NALF1: variants seen among roughly 807,000 people sequenced by gnomAD.
NALF1 encodes NALCN channel auxiliary factor 1, also known as family with sequence similarity 155 member A.
NALF1 carries 3 observed loss-of-function variants against 48.4 expected under a neutral mutation model. That is an observed-to-expected ratio of 0.06 (90% CI 0.03 to 0.16). The LOEUF (loss-of-function observed/expected upper bound fraction) is 0.16, where lower values mean the gene tolerates loss of function less well. NALF1 is among the 10% of genes least tolerant of loss of function. The pLI is 1.00. For missense variants in NALF1, 526 were observed against 571.5 expected (o/e 0.92, Z 0.81); for synonymous variants, 262 against 245.7 (o/e 1.07, Z -0.62).
chr13:107,302,912 C>T (rs1881865565), intron 1 of NALF1, among the ~76,000 whole-genome samples: 2 of 152,140 alleles, frequency 1.3e-5, no homozygotes. Flanking sequence ...ACATTGTTAG[C>T]TTGAAGAATG....
rs145281946 is a variant in NALF1, at chr13:107,866,511, A to C, written c.86T>G (p.Phe29Cys). Reference protein sequence around the residue: ...LAAPRENEKPFIDSERAQKWR... With the variant: ...LAAPRENEKPCIDSERAQKWR... Reference sequence around the variant, plus strand: ...TTTCTGAGCCCTCTCGGAATCGATGAACGGTTTCTCGTTCTCTCGGGGTGC... The same window carrying C: ...TTTCTGAGCCCTCTCGGAATCGATGCACGGTTTCTCGTTCTCTCGGGGTGC... The change falls in exon 1 of 3, where the codon TTC (phenylalanine) becomes TGC (cysteine). Residue 29 changes from phenylalanine (F) to cysteine (C), a missense_variant. Coordinates refer to ENST00000375915, the MANE Select transcript of NALF1 (RefSeq NM_001080396.3). This position sits in a 1 kb window ranked among gnomAD's most constrained non-coding sequence, Gnocchi z 4.4. 7.8e-5 allele frequency: 126 copies of C among 1,613,804 alleles called. No homozygotes were observed. The highest frequency in any genetic ancestry group is 9.7e-5 in the Non-Finnish European group (114 of 1,180,022).
rs547366795 is a variant in NALF1 at position 107,512,219 on chromosome 13, T to C, written c.916-301464A>G. On this transcript the variant is annotated intron_variant, in intron 1 of 2. Transcript: ENST00000375915. ...ACCATCCTGGCTAACATGGTGAAAC[T>C]CCGTCTCTACTAAAAATATGAAAAA... Among the ~76,000 whole-genome samples the C allele has an allele frequency of 3.9e-5, 6 of 152,106 alleles. No individual in the cohort carries two copies. In the East Asian group the frequency reaches 5.8e-4, roughly 15 times the overall value.
chr13:107,629,635 T>C lies in NALF1; in HGVS notation c.915+236047A>G, dbSNP rs1416010019. 4.7e-5 allele frequency among the ~76,000 whole-genome samples: 3 copies of C among 63,548 alleles called. No homozygotes were observed. In the East Asian group the frequency reaches 8.9e-3, roughly 189 times the overall value. 41.7% of individuals were successfully genotyped at this position (63,548 alleles called of 152,430 possible). A position where few individuals can be genotyped will look rare whatever the true frequency, so the allele number is the denominator to read the frequency against. ...CTCTCTCTTCTCACTTTTTATCTTGTCAGAAAGCAACAAATTTTGGAGTCC... is the reference window on the plus strand; with the variant it reads ...CTCTCTCTTCTCACTTTTTATCTTGCCAGAAAGCAACAAATTTTGGAGTCC... On this transcript the variant is annotated intron_variant, in intron 1 of 2. Transcript: ENST00000375915.
At position 107,181,554 on chromosome 13, in the gene NALF1, C is replaced by G. The variant is rs1268644305; in HGVS notation, c.1088-10768G>C. ...TTATTTTTCATTATATTAAGTTCAA[C>G]AATGTGATCTTTAGAAAGTTTTTTT... On this transcript the variant is annotated intron_variant, in intron 2 of 2. Transcript: ENST00000375915. Among the ~76,000 whole-genome samples the G allele has an allele frequency of 2.0e-5, 3 of 146,722 alleles. No individual in the cohort carries two copies. The East Asian group carries it at 5.9e-4, about 29-fold the overall frequency.
chr13:107,424,850 A>C (rs1884252785), intron 1 of NALF1, among the ~76,000 whole-genome samples: 1 of 152,226 alleles, frequency 6.6e-6, no homozygotes, highest in Non-Finnish European at 1.5e-5. Context: ...ATAACAGTGC[A>C]TTTACATGCA....
At chr13:107,525,904 A>G (rs1055945967) in intron 1 of NALF1, among the ~76,000 whole-genome samples, 1 of 152,006 alleles carries the variant, frequency 6.6e-6, no homozygotes, top group Non-Finnish European at 1.5e-5. Context: ...ATGATGTTAC[A>G]TTTTGTGCTT....
At chr13:107,841,307 A>G (rs540322614) in intron 1 of NALF1, among the ~76,000 whole-genome samples, 9 of 152,282 alleles carry the variant, frequency 5.9e-5, no homozygotes, top group Admixed American at 1.3e-4. Context: ...AAGAGCTTGC[A>G]TGAAGAGACA....
intron 1 of NALF1, among the ~76,000 whole-genome samples, chr13:107,519,224 A>C (rs1216737702): frequency 6.6e-6 from 1 of 152,158 alleles, no homozygotes; most frequent in Admixed American, 6.5e-5. Context: ...AAATTCTCAA[A>C]GAGGAAAAAA....
rs533163547 is a variant in NALF1 at position 107,167,055 on chromosome 13, G to C, written c.*3442C>G. Reference sequence around the variant, plus strand: ...AATAAAGAATGACATTGAACTCTATGTTATTTGCCATTTAGCTTAGCAGTA... The same window carrying C: ...AATAAAGAATGACATTGAACTCTATCTTATTTGCCATTTAGCTTAGCAGTA... On this transcript the variant is annotated 3_prime_UTR_variant, in exon 3 of 3. Coordinates refer to ENST00000375915, the MANE Select transcript of NALF1 (RefSeq NM_001080396.3). 61 of 152,210 alleles carry C rather than the reference G, an allele frequency of 4.0e-4. No homozygotes were observed. The highest frequency in any genetic ancestry group is 1.4e-3 in the African/African-American group (58 of 41,518). The allele number at this position is 152,210 out of a possible 1,614,324, so 9.4% of individuals were successfully genotyped here.
rs34091754 is a variant in NALF1 at position 107,706,918 on chromosome 13, C to CTTTTTTTT, written c.915+158756_915+158763dup. 6.4e-4 allele frequency among the ~76,000 whole-genome samples: 65 copies of CTTTTTTTT among 101,302 alleles called. 1 individual carries two copies. Among genetic ancestry groups the CTTTTTTTT allele is most frequent in the African/African-American group, 1.2e-3 (30 of 25,564 alleles). 66.5% of individuals were successfully genotyped at this position (101,302 alleles called of 152,430 possible). A position where few individuals can be genotyped will look rare whatever the true frequency, so the allele number is the denominator to read the frequency against. On this transcript the variant is annotated intron_variant, in intron 1 of 2. Transcript: ENST00000375915. Reference sequence around the variant, plus strand: ...CGCCAGTTTTTAAATCAAGGGCATTCTTTTTTTTTTTTTTTTTTTTTTGAG... The same window carrying CTTTTTTTT: ...CGCCAGTTTTTAAATCAAGGGCATTCTTTTTTTTTTTTTTTTTTTTTTTTTTTTTTGAG...
intron 1 of NALF1, among the ~76,000 whole-genome samples, chr13:107,624,008 T>A (rs1224563747): frequency 4.6e-5 from 7 of 152,172 alleles, no homozygotes; most frequent in African/African-American, 1.7e-4. Flanking sequence ...AGTTGTCTGA[T>A]GAAATAATAA....
At chr13:107,244,029 C>G (rs907846201) in intron 1 of NALF1, among the ~76,000 whole-genome samples, 1 of 152,140 alleles carries the variant, frequency 6.6e-6, no homozygotes. Flanking sequence ...TTGTAGTGAA[C>G]TCATCAATTA....
intron 1 of NALF1, among the ~76,000 whole-genome samples, chr13:107,769,301 C>T (rs1230113508): frequency 1.3e-5 from 2 of 149,068 alleles, no homozygotes; most frequent in Non-Finnish European, 3.0e-5. Flanking sequence ...AAATGTCCAA[C>T]AATGATAGAC....
chr13:107,284,568 T>C (rs1247218892), intron 1 of NALF1, among the ~76,000 whole-genome samples: 2 of 75,340 alleles, frequency 2.7e-5, no homozygotes, highest in East Asian at 6.2e-4. Flanking sequence ...GACTGAACTG[T>C]GTCCCGCCCT....
intron 1 of NALF1, among the ~76,000 whole-genome samples, chr13:107,418,094 G>T (rs1457854089): frequency 6.6e-6 from 1 of 152,058 alleles, no homozygotes; most frequent in Non-Finnish European, 1.5e-5. Flanking sequence ...AAATACATGG[G>T]CTTAAATAGA....
At chr13:107,632,809 A>C (rs1023954606) in intron 1 of NALF1, among the ~76,000 whole-genome samples, 2 of 152,110 alleles carry the variant, frequency 1.3e-5, no homozygotes, top group African/African-American at 2.4e-5. Context: ...TGAATGAGGG[A>C]ATAAATGGAA....
intron 1 of NALF1, among the ~76,000 whole-genome samples, chr13:107,784,214 G>A (rs1309300266): frequency 2.6e-5 from 4 of 152,152 alleles, no homozygotes; most frequent in Non-Finnish European, 5.9e-5. Flanking sequence ...CTACTGCCCC[G>A]CTGACTTTCA....
chr13:107,554,741 G>A (rs901948570), intron 1 of NALF1, among the ~76,000 whole-genome samples: 1 of 152,104 alleles, frequency 6.6e-6, no homozygotes, highest in African/African-American at 2.4e-5. Context: ...TTTGCTACCC[G>A]CAGTTTTATG....
intron 1 of NALF1, among the ~76,000 whole-genome samples, chr13:107,863,212 G>C (rs1014209009): frequency 2.5e-4 from 38 of 152,132 alleles, no homozygotes; most frequent in African/African-American, 8.4e-4. Context: ...AAGTCCATCT[G>C]AAATAAGTAA....
Sources: allele counts gnomAD v4.1 joint callset (sites outside exome capture counted in the v4.1 genomes callset), GRCh38; gene constraint gnomAD v4.1.1; non-coding constraint Gnocchi (gnomAD v3.1); transcripts MANE v1.5; gene names NCBI Gene and HGNC (gene_info 2026-07-23, HGNC 2026-07-21).